ARNT2: variants seen among roughly 807,000 people sequenced by gnomAD.
The protein encoded by ARNT2 is ARNT protein 2.
A neutral mutation model predicts 91.7 loss-of-function variants in ARNT2; 36 were observed. The ratio of observed to expected loss-of-function variants is 0.39; its 90% confidence interval spans 0.30 to 0.52. The LOEUF (loss-of-function observed/expected upper bound fraction) is 0.52, where lower values mean the gene tolerates loss of function less well. Ranked by LOEUF, ARNT2 falls within the 20% of genes least tolerant of loss-of-function variation. The pLI, the probability that ARNT2 is intolerant of heterozygous loss-of-function variation, is 0.72. For missense variants in ARNT2, 775 were observed against 939.3 expected (o/e 0.83, Z 2.29); for synonymous variants, 365 against 347.1 (o/e 1.05, Z -0.57).
chr15:80,593,027 C>T (rs1244810881), intron 18 of ARNT2, among the ~76,000 whole-genome samples: 2 of 152,208 alleles, frequency 1.3e-5, no homozygotes, highest in African/African-American at 4.8e-5. Context: ...GAGAATTCAA[C>T]AGAACACATG....
intron 8 of ARNT2, among the ~76,000 whole-genome samples, chr15:80,548,790 G>A (rs1193892205): frequency 6.6e-6 from 1 of 152,020 alleles, no homozygotes; most frequent in Non-Finnish European, 1.5e-5. Flanking sequence ...TTTGTTCTTG[G>A]GAGGATAACT....
intron 15 of ARNT2, 56 bp from the exon 16 acceptor site, chr15:80,580,355 T>TGGCTGCACACGTGGGTGTGC: frequency 6.2e-7 from 1 of 1,605,478 alleles, no homozygotes; most frequent in Non-Finnish European, 8.5e-7. Context: ...GCTGGGCACG[T>TGGCTGCACACGTGGGTGTGC]AGACTCATGC....
intron 3 of ARNT2, among the ~76,000 whole-genome samples, chr15:80,464,983 A>C (rs995678109): frequency 1.5e-4 from 23 of 152,204 alleles, no homozygotes; most frequent in African/African-American, 5.5e-4. Context: ...GTATGAGCCT[A>C]TGCAAAGGGT....
chr15:80,491,864 G>C (rs1897062029), intron 5 of ARNT2, among the ~76,000 whole-genome samples: 1 of 123,124 alleles, frequency 8.1e-6, no homozygotes, highest in African/African-American at 3.1e-5. Flanking sequence ...TTGGTTTTTT[G>C]GTGATTTTTT....
At chr15:80,516,855 A>ATATATATATATATC (rs1491249404) in intron 8 of ARNT2, among the ~76,000 whole-genome samples, 10 of 142,636 alleles carry the variant, frequency 7.0e-5, no homozygotes, top group Non-Finnish European at 1.2e-4. Context: ...ATATATATAT[A>ATATATATATATATC]TCCATGTTCA....
chr15:80,514,791 C>G (rs533123951), intron 8 of ARNT2, among the ~76,000 whole-genome samples: 1 of 152,256 alleles, frequency 6.6e-6, no homozygotes, highest in East Asian at 1.9e-4. Flanking sequence ...GAGGCTGAGG[C>G]AGGAGAGTCG....
At chr15:80,555,183 G>A (rs1370051019) in intron 11 of ARNT2, 44 bp downstream of exon 11, 4 of 1,596,844 alleles carry the variant, frequency 2.5e-6, no homozygotes, top group Non-Finnish European at 3.4e-6. Context: ...CATAGTCTGG[G>A]CACCTGTGGA....
At chr15:80,571,795 G>A (rs1389457665) in intron 12 of ARNT2, among the ~76,000 whole-genome samples, 2 of 152,236 alleles carry the variant, frequency 1.3e-5, no homozygotes, top group Non-Finnish European at 1.5e-5. Context: ...CCCAAATGGG[G>A]CAGACAGCAA....
chr15:80,554,604 C>T (rs56044974), intron 10 of ARNT2: 47,249 of 160,828 alleles, frequency 0.29, 7,443 homozygotes, highest in Non-Finnish European at 0.35. Flanking sequence ...AGATAGTAAA[C>T]AGGCTTTTAA....
chr15:80,413,202 G>T (rs1895712914), intron 1 of ARNT2, among the ~76,000 whole-genome samples: 1 of 152,226 alleles, frequency 6.6e-6, no homozygotes, highest in Non-Finnish European at 1.5e-5. Context: ...CCCATGACTG[G>T]GCTCTCCATG....
chr15:80,477,426 A>G lies in ARNT2; in HGVS notation c.622+2203A>G, dbSNP rs531249996. Among the ~76,000 whole-genome samples the G allele has an allele frequency of 2.2e-4, 34 of 152,320 alleles. 1 individual carries two copies. In the South Asian group the frequency reaches 5.4e-3, roughly 24 times the overall value. On this transcript the variant is annotated intron_variant, in intron 5 of 18. Transcript: ENST00000303329. ...TACCTAATCACCTCCTAAAGGCCCC[A>G]TGTCCTAATATCATCATCTGGGAGA...
At chr15:80,419,541 G>T (rs550769575) in intron 1 of ARNT2, among the ~76,000 whole-genome samples, 2 of 152,356 alleles carry the variant, frequency 1.3e-5, no homozygotes, top group South Asian at 4.1e-4. Flanking sequence ...TGAGTGGACT[G>T]TGCTGAAGAG....
Position 80,591,788 on chromosome 15 carries a change from G to A in ARNT2, c.2055+84G>A, listed in dbSNP as rs1034776844. On this transcript the variant is annotated intron_variant, in intron 18 of 18. Coordinates refer to ENST00000303329, the MANE Select transcript of ARNT2 (RefSeq NM_014862.4). The surrounding 1 kb of genome is among the most constrained non-coding windows in gnomAD (Gnocchi z 5.1). ...CCCCCTCGGTCTCTGCCGCACCACC[G>A]CCTGCCCGATAGCCGTCGTGAGTTC... 33 of 1,574,808 alleles carry A rather than the reference G, an allele frequency of 2.1e-5. No individual in the cohort carries two copies. The highest frequency in any genetic ancestry group is 1.8e-4 in the Middle Eastern group (1 of 5,650).
chr15:80,481,847 C>T (rs1439900434), intron 5 of ARNT2, among the ~76,000 whole-genome samples: 1 of 152,216 alleles, frequency 6.6e-6, no homozygotes, highest in Non-Finnish European at 1.5e-5. Flanking sequence ...AGTCCTTCAG[C>T]CTCATCCTCC....
intron 5 of ARNT2, 128 bp from the exon 6 acceptor site, chr15:80,508,028 C>T (rs2141424026): frequency 1.2e-6 from 1 of 808,868 alleles, no homozygotes; most frequent in Admixed American, 2.3e-5. Flanking sequence ...TTCCAAGACA[C>T]AAACAATTTG....
chr15:80,408,479 G>A (rs1028123116), intron 1 of ARNT2, among the ~76,000 whole-genome samples: 8 of 152,160 alleles, frequency 5.3e-5, no homozygotes, highest in East Asian at 1.9e-4. Context: ...GTCATTTTGC[G>A]CTGATGGCTG....
intron 1 of ARNT2, among the ~76,000 whole-genome samples, chr15:80,410,133 C>T (rs1323628185): frequency 1.3e-5 from 2 of 152,140 alleles, no homozygotes; most frequent in African/African-American, 4.8e-5. Flanking sequence ...AGTAAGACTC[C>T]AGTTAGATGG....
At chr15:80,419,167 A>T (rs894514535) in intron 1 of ARNT2, among the ~76,000 whole-genome samples, 6 of 152,310 alleles carry the variant, frequency 3.9e-5, no homozygotes, top group Admixed American at 2.6e-4. Context: ...GAGGGCTTGT[A>T]AAAACACAAA....
chr15:80,477,035 C>T (rs937355705), intron 5 of ARNT2, among the ~76,000 whole-genome samples: 1 of 152,158 alleles, frequency 6.6e-6, no homozygotes, highest in African/African-American at 2.4e-5. Context: ...AGTACCTTCC[C>T]ACTCTCTCTC....
Sources: allele counts gnomAD v4.1 joint callset (sites outside exome capture counted in the v4.1 genomes callset), GRCh38; gene constraint gnomAD v4.1.1; non-coding constraint Gnocchi (gnomAD v3.1); transcripts MANE v1.5; gene names NCBI Gene and HGNC (gene_info 2026-07-23, HGNC 2026-07-21).